The following PKNOX2 variants were observed in gnomAD, a reference collection of about 807,000 sequenced individuals.
PKNOX2 encodes PBX/knotted 1 homeobox 2, also known as homeobox protein PKNOX2.
Under a neutral mutation model 53.1 loss-of-function variants are expected in PKNOX2, and 14 were observed. That is an observed-to-expected ratio of 0.26 (90% CI 0.17 to 0.41). The LOEUF (loss-of-function observed/expected upper bound fraction) is 0.41. Among genes scored for constraint, PKNOX2 ranks in the 10% least tolerant of loss-of-function variants. PKNOX2 has a pLI of 1.00. For synonymous variants in PKNOX2, 257 were observed against 242.8 expected (o/e 1.06, Z -0.54); for missense variants, 496 against 602.8 (o/e 0.82, Z 1.85).
Position 125,422,187 on chromosome 11 carries a change from C to A in PKNOX2, c.937-6825C>A, listed in dbSNP as rs1198741009. Among the ~76,000 whole-genome samples, 1 of 152,160 alleles carries A rather than the reference C, an allele frequency of 6.6e-6. No homozygotes were observed. The highest frequency in any genetic ancestry group is 1.5e-5 in the Non-Finnish European group (1 of 68,040). On this transcript the variant is annotated intron_variant, in intron 10 of 12. Coordinates refer to ENST00000298282, the MANE Select transcript of PKNOX2 (RefSeq NM_001382323.2). The surrounding 1 kb of genome is among the most constrained non-coding windows in gnomAD (Gnocchi z 4.1). ...TGTTGTGGTCCTCAAACCCTCTTCA[C>A]CCCTTATTCTCACTCTTGAAACCTG...
intron 7 of PKNOX2, among the ~76,000 whole-genome samples, chr11:125,405,302 CCTT>C (rs1204933427): frequency 3.3e-5 from 5 of 152,234 alleles, no homozygotes; most frequent in Non-Finnish European, 7.3e-5. Flanking sequence ...TCATTTATCT[CCTT>C]CACTCCTTCA....
chr11:125,216,868 C>T (rs933905848), intron 1 of PKNOX2, among the ~76,000 whole-genome samples: 15 of 152,258 alleles, frequency 9.9e-5, no homozygotes, highest in Middle Eastern at 3.4e-3. Context: ...TTGTTAAAGG[C>T]GTATTAAAAG....
chr11:125,197,229 G>A (rs980828430), intron 1 of PKNOX2, among the ~76,000 whole-genome samples: 2 of 152,336 alleles, frequency 1.3e-5, no homozygotes, highest in East Asian at 3.9e-4. Context: ...GTAATTCATT[G>A]CATCTGAGAT....
chr11:125,351,620 G>A (rs1474772087), intron 4 of PKNOX2, among the ~76,000 whole-genome samples: 1 of 152,192 alleles, frequency 6.6e-6, no homozygotes, highest in Non-Finnish European at 1.5e-5. Flanking sequence ...AGCTAGGACT[G>A]GAAGCTAGAT....
intron 2 of PKNOX2, among the ~76,000 whole-genome samples, chr11:125,290,468 A>G (rs777519208): frequency 2.0e-5 from 3 of 152,230 alleles, no homozygotes; most frequent in Non-Finnish European, 4.4e-5. Flanking sequence ...AAGACACAGT[A>G]GTGACTATGA....
rs762689601 is a variant in PKNOX2 at position 125,385,738 on chromosome 11, C to A, written c.399+16C>A. 6.2e-6 allele frequency: 10 copies of A among 1,611,202 alleles called. No individual in the cohort carries two copies. In the South Asian group the frequency reaches 1.1e-4, roughly 18 times the overall value. On this transcript the variant is annotated intron_variant, in intron 6 of 12. Transcript: ENST00000298282. The stretch of plus-strand genomic sequence containing the variant: ...GGACAATCTGGTAAAGACCCTCCAC[C>A]CTCTACCCTGGCTAGAGTCTTCCTA...
chr11:125,167,018 G>T (rs945835615), intron 1 of PKNOX2, among the ~76,000 whole-genome samples: 3 of 152,006 alleles, frequency 2.0e-5, no homozygotes, highest in Admixed American at 1.3e-4. Flanking sequence ...TCTGGCCTTC[G>T]GAGGCCCCAG....
intron 1 of PKNOX2, among the ~76,000 whole-genome samples, chr11:125,179,968 C>T (rs1276944495): frequency 6.6e-6 from 1 of 152,164 alleles, no homozygotes; most frequent in Non-Finnish European, 1.5e-5. Context: ...AAAGTCCTCC[C>T]CATGGCTGAA....
chr11:125,169,290 C>T (rs1364740636), intron 1 of PKNOX2, among the ~76,000 whole-genome samples: 1 of 152,204 alleles, frequency 6.6e-6, no homozygotes, highest in East Asian at 1.9e-4. Context: ...GTATAAAACA[C>T]TTCACGTGAG....
At chr11:125,359,939 G>T (rs543704228) in intron 4 of PKNOX2, among the ~76,000 whole-genome samples, 1 of 152,276 alleles carries the variant, frequency 6.6e-6, no homozygotes, top group Non-Finnish European at 1.5e-5. Context: ...GGTCAGGCTG[G>T]TCTCGAACTC....
chr11:125,264,110 C>A (rs187007287), intron 2 of PKNOX2, among the ~76,000 whole-genome samples: 1 of 152,266 alleles, frequency 6.6e-6, no homozygotes, highest in East Asian at 1.9e-4. Context: ...TGGTGCCATC[C>A]CTGACACTGT....
intron 7 of PKNOX2, among the ~76,000 whole-genome samples, chr11:125,403,298 G>A (rs931172162): frequency 2.6e-5 from 4 of 152,136 alleles, no homozygotes; most frequent in Non-Finnish European, 4.4e-5. Context: ...AGTGGTGGCC[G>A]ACTGCTAAAG....
intron 2 of PKNOX2, among the ~76,000 whole-genome samples, chr11:125,237,362 G>A (rs1179157990): frequency 6.6e-6 from 1 of 152,200 alleles, no homozygotes; most frequent in Non-Finnish European, 1.5e-5. Context: ...AGGTTTAAGA[G>A]AAGGGAACAT....
chr11:125,379,466 G>T (rs2135330539), intron 5 of PKNOX2, among the ~76,000 whole-genome samples: 1 of 152,314 alleles, frequency 6.6e-6, no homozygotes, highest in East Asian at 1.9e-4. Context: ...TACCAAGGAA[G>T]TTGCGGGGTC....
chr11:125,431,032 G>T, intron 12 of PKNOX2, 134 bp from the exon 13 acceptor site: 1 of 1,433,298 alleles, frequency 7.0e-7, no homozygotes, highest in Non-Finnish European at 9.2e-7. Context: ...GCATTGTCCA[G>T]CTCAGGCTTG....
At chr11:125,340,518 C>A (rs955228884) in intron 3 of PKNOX2, among the ~76,000 whole-genome samples, 1 of 152,144 alleles carries the variant, frequency 6.6e-6, no homozygotes, top group Non-Finnish European at 1.5e-5. Context: ...TGGGAACAAC[C>A]GTAATGCCGA....
intron 5 of PKNOX2, among the ~76,000 whole-genome samples, chr11:125,372,551 T>A (rs775231608): frequency 4.6e-5 from 7 of 152,202 alleles, no homozygotes; most frequent in Non-Finnish European, 1.0e-4. Flanking sequence ...TGTGGATAGG[T>A]GTTTTATAAG....
intron 1 of PKNOX2, among the ~76,000 whole-genome samples, chr11:125,225,748 T>G (rs1361576525): frequency 1.3e-5 from 2 of 152,236 alleles, no homozygotes; most frequent in Non-Finnish European, 2.9e-5. Context: ...TCTGTCACTT[T>G]TCTCAGTCAC....
At chr11:125,303,154 G>C (rs537834322) in intron 2 of PKNOX2, among the ~76,000 whole-genome samples, 17 of 152,308 alleles carry the variant, frequency 1.1e-4, no homozygotes, top group Middle Eastern at 6.8e-3. Context: ...AACCTGACCT[G>C]CAGCTGGGAC....
Sources: allele counts gnomAD v4.1 joint callset (sites outside exome capture counted in the v4.1 genomes callset), GRCh38; gene constraint gnomAD v4.1.1; non-coding constraint Gnocchi (gnomAD v3.1); transcripts MANE v1.5; gene names NCBI Gene and HGNC (gene_info 2026-07-23, HGNC 2026-07-21).